TBC1D12: variants seen among roughly 807,000 people sequenced by gnomAD.
The protein encoded by TBC1D12 is TBC1 domain family, member 12.
TBC1D12 carries 56 observed loss-of-function variants against 86.7 expected under a neutral mutation model. The ratio of observed to expected loss-of-function variants is 0.65; its 90% CI spans 0.52 to 0.81. The LOEUF (loss-of-function observed/expected upper bound fraction) is 0.81. TBC1D12 is among the 30% of genes least tolerant of loss of function. The pLI is 0.00. For synonymous variants in TBC1D12, 421 were observed against 411.7 expected (o/e 1.02, Z -0.27); for missense variants, 1,023 against 1,038.8 (o/e 0.98, Z 0.21).
intron 1 of TBC1D12, among the ~76,000 whole-genome samples, chr10:94,420,420 T>G (rs145075760): frequency 1.2e-4 from 18 of 152,326 alleles, no homozygotes; most frequent in South Asian, 8.3e-4. Context: ...AATTTACCAT[T>G]AGTGACATTC....
intron 11 of TBC1D12, among the ~76,000 whole-genome samples, chr10:94,523,214 AAAAG>A (rs1842202758): frequency 6.7e-6 from 1 of 149,696 alleles, no homozygotes; most frequent in African/African-American, 2.5e-5. Context: ...AAAAAAAAAA[AAAAG>A]AGCATAGACT....
At chr10:94,498,620 A>G (rs1179245476) in intron 5 of TBC1D12, among the ~76,000 whole-genome samples, 1 of 152,032 alleles carries the variant, frequency 6.6e-6, no homozygotes, top group Non-Finnish European at 1.5e-5. Flanking sequence ...TACCCGGCTA[A>G]TTGTTTTGTA....
At chr10:94,427,515 T>C (rs11187943) in intron 1 of TBC1D12, among the ~76,000 whole-genome samples, 1 of 152,086 alleles carries the variant, frequency 6.6e-6, no homozygotes, top group African/African-American at 2.4e-5. Context: ...TATTCTATTT[T>C]GTTCTCTCCT....
intron 7 of TBC1D12, 177 bp from the exon 8 acceptor site, chr10:94,509,914 T>C (rs1342973991): frequency 1.8e-6 from 1 of 543,276 alleles, no homozygotes; most frequent in Non-Finnish European, 3.2e-6. Context: ...GTATAGCTAT[T>C]TTCTTTGTAC....
At chr10:94,510,023 T>C in intron 7 of TBC1D12, 68 bp from the exon 8 acceptor site, 1 of 1,068,588 alleles carries the variant, frequency 9.4e-7, no homozygotes. Context: ...GTGATCATTC[T>C]GTATTTATAA....
At chr10:94,461,260 G>A (rs1056155081) in intron 2 of TBC1D12, among the ~76,000 whole-genome samples, 1 of 152,106 alleles carries the variant, frequency 6.6e-6, no homozygotes, top group African/African-American at 2.4e-5. Flanking sequence ...TTAATCTTTT[G>A]GTGAACCTGT....
At chr10:94,481,144 G>A (rs1310982883) in intron 3 of TBC1D12, among the ~76,000 whole-genome samples, 2 of 143,566 alleles carry the variant, frequency 1.4e-5, no homozygotes, top group Non-Finnish European at 3.0e-5. Context: ...AGGCTTTATT[G>A]AGCACAGGTA....
intron 3 of TBC1D12, among the ~76,000 whole-genome samples, chr10:94,487,521 C>G (rs2056183278): frequency 6.6e-6 from 1 of 151,452 alleles, no homozygotes; most frequent in African/African-American, 2.4e-5. Flanking sequence ...CAAATACTAC[C>G]TTATAACCCA....
At position 94,536,249 on chromosome 10, in the gene TBC1D12, T is replaced by C. The variant is rs1842535956; in HGVS notation, c.*3153T>C. Among the ~76,000 whole-genome samples, 1 of 152,216 alleles carries C rather than the reference T, an allele frequency of 6.6e-6. No individual in the cohort carries two copies. Among genetic ancestry groups the C allele is most frequent in the Admixed American group, 6.5e-5 (1 of 15,290 alleles). On this transcript the variant is annotated 3_prime_UTR_variant, in exon 13 of 13. Coordinates refer to ENST00000225235, the MANE Select transcript of TBC1D12 (RefSeq NM_015188.2). Reference sequence around the variant, plus strand: ...CAAAATAATGTGAAATTTAATATGGTGTTTCATTTGTTTGTCTACTCAATA... The same window carrying C: ...CAAAATAATGTGAAATTTAATATGGCGTTTCATTTGTTTGTCTACTCAATA...
intron 2 of TBC1D12, among the ~76,000 whole-genome samples, chr10:94,458,394 TA>T (rs573895488): frequency 6.0e-4 from 92 of 152,304 alleles, no homozygotes; most frequent in Non-Finnish European, 2.6e-4. Context: ...TCATCCTCTG[TA>T]ACTGTAAGAA....
intron 1 of TBC1D12, among the ~76,000 whole-genome samples, chr10:94,439,080 A>G (rs568372592): frequency 1.3e-5 from 2 of 152,264 alleles, no homozygotes; most frequent in African/African-American, 4.8e-5. Flanking sequence ...CTAGGATTAC[A>G]GATGTGAGCC....
At chr10:94,477,952 T>G (rs1303811881) in intron 3 of TBC1D12, among the ~76,000 whole-genome samples, 1 of 152,174 alleles carries the variant, frequency 6.6e-6, no homozygotes, top group East Asian at 1.9e-4. Flanking sequence ...TCTCCTAAAC[T>G]GTGCCCAGCA....
chr10:94,491,716 A>T (rs903552714), intron 3 of TBC1D12, among the ~76,000 whole-genome samples: 1 of 152,190 alleles, frequency 6.6e-6, no homozygotes, highest in Non-Finnish European at 1.5e-5. Context: ...TACACTACCC[A>T]TCTGGTAGTT....
chr10:94,482,496 G>C (rs1278194635), intron 3 of TBC1D12, among the ~76,000 whole-genome samples: 3 of 151,820 alleles, frequency 2.0e-5, no homozygotes, highest in Admixed American at 2.0e-4. Context: ...TATTGCCCAG[G>C]CTGGGGTATA....
intron 2 of TBC1D12, among the ~76,000 whole-genome samples, chr10:94,468,979 C>T (rs1457117548): frequency 6.6e-6 from 1 of 152,128 alleles, no homozygotes; most frequent in Non-Finnish European, 1.5e-5. Flanking sequence ...ACAGATTAAA[C>T]ATTGCAGAAG....
chr10:94,531,704 G>T (rs61886165), intron 12 of TBC1D12, among the ~76,000 whole-genome samples: 4,458 of 75,874 alleles, frequency 0.059, 213 homozygotes, highest in South Asian at 0.12. Flanking sequence ...TTTATGTTAT[G>T]TTATTTTATG....
chr10:94,527,264 A>G (rs1376632656), intron 11 of TBC1D12, among the ~76,000 whole-genome samples: 3 of 151,764 alleles, frequency 2.0e-5, no homozygotes, highest in Non-Finnish European at 4.4e-5. Context: ...TAATTTTTGT[A>G]TTTTTAGTAG....
In TBC1D12 at chr10:94,402,638, G is replaced by A; in HGVS notation, c.25G>A (p.Ala9Thr). 6.2e-7 allele frequency: 1 copy of A among 1,611,834 alleles called. No homozygotes were observed. The highest frequency in any genetic ancestry group is 1.1e-5 in the South Asian group (1 of 90,954). The change falls in exon 1 of 13, where the codon GCC becomes ACC. Residue 9 changes from alanine (A) to threonine (T), a missense_variant. Physicochemically the swap from Ala to Thr is moderately conservative, Grantham distance 58. Coordinates refer to ENST00000225235, the MANE Select transcript of TBC1D12 (RefSeq NM_015188.2). MVGPEDAG[A>T]CSGRNPKLLP... Reference sequence around the variant, plus strand: ...GATGGTGGGTCCGGAGGATGCCGGAGCCTGCTCGGGAAGAAACCCCAAGTT... The same window carrying A: ...GATGGTGGGTCCGGAGGATGCCGGAACCTGCTCGGGAAGAAACCCCAAGTT...
At chr10:94,455,250 G>T (rs1257719790) in intron 2 of TBC1D12, among the ~76,000 whole-genome samples, 1 of 151,796 alleles carries the variant, frequency 6.6e-6, no homozygotes, top group Non-Finnish European at 1.5e-5. Context: ...CTTGGTCATG[G>T]TATAGAATTC....
Sources: gnomAD v4.1 joint callset for allele counts (sites outside exome capture counted in the v4.1 genomes callset) on GRCh38, gnomAD v4.1.1 for gene constraint, MANE v1.5 for transcripts, NCBI Gene and HGNC (gene_info 2026-07-23, HGNC 2026-07-21) for gene names.